The following SEMA4D variants were observed in gnomAD, a reference collection of about 807,000 sequenced individuals.
SEMA4D encodes the protein semaphorin-4D.
SEMA4D carries 22 observed loss-of-function variants against 74.8 expected under a neutral mutation model. The observed-to-expected ratio is 0.29, with a 90% CI of 0.21 to 0.42. The LOEUF is 0.42. SEMA4D is among the 10% of genes least tolerant of loss of function. The pLI is 1.00. For synonymous variants in SEMA4D, 445 were observed against 463.7 expected (o/e 0.96, Z 0.52); for missense variants, 937 against 1,118.4 (o/e 0.84, Z 2.31).
chr9:89,364,160 C>T (rs372191761), intron 16 of SEMA4D: 5 of 979,664 alleles, frequency 5.1e-6, no homozygotes, highest in African/African-American at 3.3e-5. Flanking sequence ...GGACTTCCTG[C>T]TCTTTGACCT....
At chr9:89,465,744 C>T (rs1027195100) in intron 1 of SEMA4D, among the ~76,000 whole-genome samples, 2 of 152,226 alleles carry the variant, frequency 1.3e-5, no homozygotes, top group African/African-American at 2.4e-5. Flanking sequence ...CCCATTTGCA[C>T]GTCTAGGGAC....
At chr9:89,395,299 C>G (rs1840704887) in intron 6 of SEMA4D, among the ~76,000 whole-genome samples, 1 of 152,014 alleles carries the variant, frequency 6.6e-6, no homozygotes, top group Non-Finnish European at 1.5e-5. Context: ...GTGGCACATG[C>G]CTGTAATCCA....
chr9:89,362,220 C>T lies in SEMA4D; in HGVS notation c.*182G>A. 3.0e-6 allele frequency: 3 copies of T among 995,012 alleles called. No individual in the cohort carries two copies. The South Asian group carries it at 4.5e-5, about 15-fold the overall frequency. The allele number at this position is 995,012 out of a possible 1,614,324, so 61.6% of individuals were successfully genotyped here. A position where few individuals can be genotyped will look rare whatever the true frequency, so the allele number is the denominator to read the frequency against. On this transcript the variant is annotated 3_prime_UTR_variant, in exon 19 of 19. Coordinates refer to the SEMA4D transcript ENST00000339861. ...TCCTGTCACAGGCCCACTTGGGTTC[C>T]AGGCTTCTCCACTGTCCCGCCTCTG...
chr9:89,486,240 T>TACA, intron 1 of SEMA4D, among the ~76,000 whole-genome samples: 1 of 152,310 alleles, frequency 6.6e-6, no homozygotes, highest in East Asian at 1.9e-4. Context: ...ACTCAAAGGC[T>TACA]ACAATCTGTA....
At chr9:89,398,818 C>G (rs1302503311) in intron 5 of SEMA4D, among the ~76,000 whole-genome samples, 1 of 152,174 alleles carries the variant, frequency 6.6e-6, no homozygotes, top group Non-Finnish European at 1.5e-5. Context: ...AGAGGTTGAG[C>G]ACAGCAGGCC....
At chr9:89,447,788 C>T (rs1853324355) in intron 2 of SEMA4D, among the ~76,000 whole-genome samples, 1 of 151,654 alleles carries the variant, frequency 6.6e-6, no homozygotes, top group African/African-American at 2.4e-5. Flanking sequence ...CTGCCCCCCA[C>T]CACCACTTCA....
Position 89,388,985 on chromosome 9 carries a change from G to A in SEMA4D, c.837C>T (p.Leu279=), listed in dbSNP as rs752949081. The A allele has an allele frequency of 3.7e-6, 6 of 1,613,956 alleles. No individual in the cohort carries two copies. The African/African-American group carries it at 8.0e-5, about 22-fold the overall frequency. The change falls in exon 10 of 16, where the codon CTC becomes CTT. Residue 279 remains leucine, a synonymous_variant. Coordinates refer to ENST00000422704, the MANE Select transcript of SEMA4D (RefSeq NM_001371194.2). Reference sequence around the variant, plus strand: ...AGCCGCTGTCTGGCCGGGAGCAGATGAGTCGGGCTTTCAGGAAGGAGGTCC... The same window carrying A: ...AGCCGCTGTCTGGCCGGGAGCAGATAAGTCGGGCTTTCAGGAAGGAGGTCC... The part of the protein sequence containing the change: ...KKWTSFLKAR[L]ICSRPDSGLV...
At chr9:89,464,654 AC>A (rs1406354737) in intron 1 of SEMA4D, among the ~76,000 whole-genome samples, 1 of 152,170 alleles carries the variant, frequency 6.6e-6, no homozygotes. Flanking sequence ...AGAGTGAAGC[AC>A]CCCCAGGGGA....
intron 16 of SEMA4D, among the ~76,000 whole-genome samples, chr9:89,371,132 CTG>C (rs1280072541): frequency 1.4e-4 from 5 of 34,702 alleles, no homozygotes; most frequent in African/African-American, 6.5e-4. Flanking sequence ...GTGTGTATGT[CTG>C]GGGTGTGGGG....
At chr9:89,486,949 G>A (rs751872568) in intron 1 of SEMA4D, among the ~76,000 whole-genome samples, 1 of 151,994 alleles carries the variant, frequency 6.6e-6, no homozygotes, top group East Asian at 1.9e-4. Flanking sequence ...GGGGAGGGGA[G>A]GGCAAGAGAA....
At chr9:89,470,265 T>C (rs1859835541) in intron 1 of SEMA4D, among the ~76,000 whole-genome samples, 3 of 152,184 alleles carry the variant, frequency 2.0e-5, no homozygotes, top group South Asian at 4.1e-4. Flanking sequence ...TTAGAATATA[T>C]AAAGAAGTCT....
At chr9:89,384,028 C>G (rs1454806053) in intron 13 of SEMA4D, among the ~76,000 whole-genome samples, 1 of 152,224 alleles carries the variant, frequency 6.6e-6, no homozygotes. Flanking sequence ...GTCTAAGTGC[C>G]TTCCTTGCCC....
At chr9:89,493,620 T>C (rs994548271) in intron 1 of SEMA4D, among the ~76,000 whole-genome samples, 2 of 152,152 alleles carry the variant, frequency 1.3e-5, no homozygotes, top group Non-Finnish European at 1.5e-5. Flanking sequence ...TCAAGGCAAA[T>C]TACGTTCTGG....
intron 1 of SEMA4D, among the ~76,000 whole-genome samples, chr9:89,491,718 C>T (rs960679894): frequency 6.6e-6 from 1 of 152,178 alleles, no homozygotes; most frequent in African/African-American, 2.4e-5. Flanking sequence ...ATTCCTCCAG[C>T]GTTCAGTCCA....
At chr9:89,401,941 TGAG>T (rs924471453) in intron 4 of SEMA4D, among the ~76,000 whole-genome samples, 1 of 150,328 alleles carries the variant, frequency 6.7e-6, no homozygotes, top group Non-Finnish European at 1.5e-5. Flanking sequence ...CCACCGAGAC[TGAG>T]GAGGAGGAAC....
intron 5 of SEMA4D, among the ~76,000 whole-genome samples, chr9:89,398,708 C>T (rs2133453880): frequency 6.6e-6 from 1 of 152,330 alleles, no homozygotes; most frequent in South Asian, 2.1e-4. Context: ...GCACCCCAAC[C>T]TGGGTGCCAC....
intron 2 of SEMA4D, among the ~76,000 whole-genome samples, chr9:89,431,366 C>A (rs1197512809): frequency 1.3e-5 from 2 of 152,218 alleles, no homozygotes; most frequent in South Asian, 4.1e-4. Context: ...ACCAAAATGC[C>A]AGAACTAATT....
intron 2 of SEMA4D, among the ~76,000 whole-genome samples, chr9:89,406,341 G>A (rs9410475): frequency 0.18 from 27,695 of 152,202 alleles, 2,799 homozygotes; most frequent in Middle Eastern, 0.29. Context: ...AAAGAAGTCT[G>A]TGCACCATAG....
rs562401641 is a variant in SEMA4D at position 89,418,084 on chromosome 9, A to C, written c.-243-12385T>G. ...TATCTTATGCCTCTTGAAACTTTCC[A>C]GTCATTTCTAGAAAGACGTCTTCAG... On this transcript the variant is annotated intron_variant, in intron 2 of 15. Coordinates refer to ENST00000422704, the MANE Select transcript of SEMA4D (RefSeq NM_001371194.2). 5 of 985,138 alleles carry C rather than the reference A, an allele frequency of 5.1e-6. No homozygotes were observed. The African/African-American group carries it at 7.0e-5, about 14-fold the overall frequency. 61.0% of individuals were successfully genotyped at this position (985,138 alleles called of 1,614,324 possible).
Sources: allele counts gnomAD v4.1 joint callset (sites outside exome capture counted in the v4.1 genomes callset), GRCh38; gene constraint gnomAD v4.1.1; transcripts MANE v1.5; gene names NCBI Gene and HGNC (gene_info 2026-07-23, HGNC 2026-07-21).